The following LOC128462377 variants were observed in gnomAD, a reference collection of about 807,000 sequenced individuals.
the LOC128462377 span, among the ~76,000 whole-genome samples, chr16:89,348,382 CCTTT>C: frequency 4.6e-5 from 7 of 152,252 alleles, no homozygotes; most frequent in South Asian, 1.2e-3. Context: ...GTATCGCTAT[CCTTT>C]CTATCTCCTA....
the LOC128462377 span, among the ~76,000 whole-genome samples, chr16:89,378,894 T>G: frequency 6.6e-6 from 1 of 151,208 alleles, no homozygotes; most frequent in African/African-American, 2.4e-5. Flanking sequence ...TTTCCAAGGC[T>G]GAAAACCTCT....
At chr16:89,393,882 T>C in the LOC128462377 span, among the ~76,000 whole-genome samples, 79,755 of 151,916 alleles carry the variant, frequency 0.52, 21,243 homozygotes, top group Middle Eastern at 0.72. Context: ...ATGAGGAAAA[T>C]GTGTCAAAAA....
the LOC128462377 span, among the ~76,000 whole-genome samples, chr16:89,343,976 C>T: frequency 6.6e-6 from 1 of 152,174 alleles, no homozygotes; most frequent in African/African-American, 2.4e-5. Flanking sequence ...CAGCTCTGAC[C>T]GACTGAACCC....
At chr16:89,347,942 C>CT in the LOC128462377 span, among the ~76,000 whole-genome samples, 1,918 of 146,536 alleles carry the variant, frequency 0.013, 27 homozygotes, top group African/African-American at 0.04. Flanking sequence ...GGGATTTTGT[C>CT]TTTTTTTTTT....
At chr16:89,341,762 C>T in the LOC128462377 span, among the ~76,000 whole-genome samples, 3 of 152,192 alleles carry the variant, frequency 2.0e-5, no homozygotes, top group Non-Finnish European at 4.4e-5. Context: ...TCTGCACAAA[C>T]GTGCACAAAC....
chr16:89,374,343 AAAT>A, the LOC128462377 span, among the ~76,000 whole-genome samples: 3 of 151,206 alleles, frequency 2.0e-5, no homozygotes, highest in Middle Eastern at 3.4e-3. Flanking sequence ...TTTGTAAAAA[AAAT>A]AATAATAATA....
At chr16:89,345,757 T>C in the LOC128462377 span, among the ~76,000 whole-genome samples, 1 of 152,150 alleles carries the variant, frequency 6.6e-6, no homozygotes. Context: ...ACCAGGTGCA[T>C]GCTGTGCACA....
At chr16:89,318,728 T>C in the LOC128462377 span, among the ~76,000 whole-genome samples, 2 of 152,316 alleles carry the variant, frequency 1.3e-5, no homozygotes, top group South Asian at 4.1e-4. Context: ...AAATAAATGA[T>C]AAAATCCCAC....
chr16:89,318,285 T>A, the LOC128462377 span, among the ~76,000 whole-genome samples: 2 of 152,170 alleles, frequency 1.3e-5, no homozygotes, highest in African/African-American at 4.8e-5. Context: ...TTGTTCACCA[T>A]CACAGCCAGG....
At chr16:89,344,998 G>T in the LOC128462377 span, among the ~76,000 whole-genome samples, 1 of 152,220 alleles carries the variant, frequency 6.6e-6, no homozygotes, top group Non-Finnish European at 1.5e-5. Flanking sequence ...CACAGCAGAA[G>T]CAGGCGCAGA....
the LOC128462377 span, among the ~76,000 whole-genome samples, chr16:89,388,293 ATTTTT>A: frequency 5.4e-3 from 457 of 85,296 alleles, 6 homozygotes; most frequent in African/African-American, 0.018. Context: ...CATGAGGCTG[ATTTTT>A]TTTTTTTTTT....
the LOC128462377 span, among the ~76,000 whole-genome samples, chr16:89,385,582 A>G: frequency 2.0e-5 from 3 of 152,284 alleles, no homozygotes; most frequent in South Asian, 6.2e-4. Flanking sequence ...CTACTGAGTG[A>G]GCAAGAAGAC....
the LOC128462377 span, among the ~76,000 whole-genome samples, chr16:89,406,456 G>T: frequency 6.6e-6 from 1 of 152,188 alleles, no homozygotes; most frequent in African/African-American, 2.4e-5. Context: ...TGAGAAGGCC[G>T]CACGGGCAAA....
At chr16:89,384,896 T>G in the LOC128462377 span, among the ~76,000 whole-genome samples, 4 of 129,308 alleles carry the variant, frequency 3.1e-5, no homozygotes, top group African/African-American at 1.2e-4. Context: ...TTTTTTTTTT[T>G]TTTTTTTTTT....
chr16:89,352,841 C>A, the LOC128462377 span, among the ~76,000 whole-genome samples: 1 of 152,256 alleles, frequency 6.6e-6, no homozygotes, highest in East Asian at 1.9e-4. Context: ...GGGCCCCTAC[C>A]TGCTTTGTCA....
At chr16:89,324,994 G>A in the LOC128462377 span, 1 of 162,124 alleles carries the variant, frequency 6.2e-6, no homozygotes, top group African/African-American at 2.4e-5. Context: ...GTGGAGCAAA[G>A]GAAACTAGTC....
chr16:89,366,640 C>T, the LOC128462377 span, among the ~76,000 whole-genome samples: 13 of 152,184 alleles, frequency 8.5e-5, no homozygotes, highest in African/African-American at 2.7e-4. Context: ...TTGGCTAACC[C>T]GAGCTGTTTC....
chr16:89,407,668 TAC>T, the LOC128462377 span, among the ~76,000 whole-genome samples: 31 of 150,756 alleles, frequency 2.1e-4, no homozygotes, highest in African/African-American at 4.6e-4. Context: ...CAAACACACA[TAC>T]ACACACACAC....
At chr16:89,337,100 T>C in the LOC128462377 span, among the ~76,000 whole-genome samples, 5 of 151,026 alleles carry the variant, frequency 3.3e-5, no homozygotes, top group African/African-American at 1.2e-4. Context: ...ATGGGAGGAT[T>C]GCTTGAACCT....
Sources: gnomAD v4.1 joint callset for allele counts (sites outside exome capture counted in the v4.1 genomes callset) on GRCh38, gnomAD v4.1.1 for gene constraint, MANE v1.5 for transcripts.